DENND5B: variants seen among roughly 807,000 people sequenced by gnomAD.
DENND5B encodes DENN domain-containing protein 5B.
Under a neutral mutation model 140.6 loss-of-function variants are expected in DENND5B, and 34 were observed. That is an observed-to-expected ratio of 0.24 (90% CI 0.18 to 0.32). The LOEUF is 0.32. Among genes scored for constraint, DENND5B ranks in the 10% least tolerant of loss-of-function variants. The pLI, the probability that DENND5B is intolerant of heterozygous loss-of-function variation, is 1.00. For missense variants in DENND5B, 1,142 were observed against 1,560.2 expected, an observed-to-expected ratio of 0.73 and a Z score of 4.52; for synonymous variants, 551 against 562.1, an observed-to-expected ratio of 0.98 and a Z score of 0.28.
chr12:31,436,925 A>C (rs1211750196), intron 7 of DENND5B, among the ~76,000 whole-genome samples: 1 of 152,154 alleles, frequency 6.6e-6, no homozygotes, highest in Non-Finnish European at 1.5e-5. Context: ...CCCAACTTTC[A>C]TTCACCTTTC....
At chr12:31,411,040 C>CTTT (rs59646978) in intron 13 of DENND5B, among the ~76,000 whole-genome samples, 2 of 140,238 alleles carry the variant, frequency 1.4e-5, no homozygotes, top group African/African-American at 5.2e-5. Context: ...GCATAAATCA[C>CTTT]TTTTTTTTTT....
At chr12:31,453,982 A>T (rs1253137415) in intron 4 of DENND5B, among the ~76,000 whole-genome samples, 1 of 151,916 alleles carries the variant, frequency 6.6e-6, no homozygotes, top group African/African-American at 2.4e-5. Context: ...TCTCTACTAA[A>T]AATATAAAAA....
intron 1 of DENND5B, among the ~76,000 whole-genome samples, chr12:31,581,616 C>T (rs908899263): frequency 7.4e-5 from 11 of 149,258 alleles, no homozygotes; most frequent in Non-Finnish European, 1.6e-4. Flanking sequence ...TCGCTTGAAC[C>T]TGGGAGGCGC....
intron 14 of DENND5B, among the ~76,000 whole-genome samples, chr12:31,407,096 G>T (rs1384535887): frequency 6.6e-6 from 1 of 151,716 alleles, no homozygotes. Flanking sequence ...CACTGTGCCT[G>T]GCCTCTTCGA....
chr12:31,388,885 C>T (rs1022274488), intron 20 of DENND5B, among the ~76,000 whole-genome samples: 2 of 152,152 alleles, frequency 1.3e-5, no homozygotes, highest in Non-Finnish European at 2.9e-5. Flanking sequence ...GTCTAGTTAT[C>T]TAACAACTTC....
intron 1 of DENND5B, chr12:31,499,646 A>C (rs1946928512): frequency 6.6e-7 from 1 of 1,505,516 alleles, no homozygotes; most frequent in South Asian, 1.3e-5. Context: ...TGCCATGACG[A>C]TCTGCTTCTA....
At chr12:31,469,207 G>A (rs1945424121) in intron 3 of DENND5B, among the ~76,000 whole-genome samples, 1 of 151,752 alleles carries the variant, frequency 6.6e-6, no homozygotes, top group African/African-American at 2.4e-5. Context: ...GGTGGCATGT[G>A]CCTGTAATCC....
chr12:31,588,422 T>A (rs1164488086), intron 1 of DENND5B, among the ~76,000 whole-genome samples: 1 of 152,214 alleles, frequency 6.6e-6, no homozygotes, highest in African/African-American at 2.4e-5. Context: ...GGACTCCGCA[T>A]CCACAGATTC....
chr12:31,528,022 G>A (rs1216516995), intron 1 of DENND5B, among the ~76,000 whole-genome samples: 2 of 152,130 alleles, frequency 1.3e-5, no homozygotes, highest in South Asian at 2.1e-4. Flanking sequence ...CATAACAACC[G>A]AACATAATGA....
At chr12:31,546,145 A>C (rs576353844) in intron 1 of DENND5B, among the ~76,000 whole-genome samples, 1 of 152,010 alleles carries the variant, frequency 6.6e-6, no homozygotes, top group East Asian at 1.9e-4. Flanking sequence ...ATTCTTTCTC[A>C]AATTAGAAAC....
chr12:31,423,150 A>G (rs1435886679), intron 11 of DENND5B, among the ~76,000 whole-genome samples: 1 of 152,092 alleles, frequency 6.6e-6, no homozygotes, highest in Non-Finnish European at 1.5e-5. Flanking sequence ...CGTGTTGGCC[A>G]GGCTGGTCTC....
At chr12:31,548,614 C>T (rs1287754196) in intron 1 of DENND5B, among the ~76,000 whole-genome samples, 1 of 152,108 alleles carries the variant, frequency 6.6e-6, no homozygotes, top group African/African-American at 2.4e-5. Flanking sequence ...AATAAATTTC[C>T]TGTATAATTT....
intron 4 of DENND5B, among the ~76,000 whole-genome samples, chr12:31,454,627 T>C (rs1025404921): frequency 2.6e-5 from 4 of 151,366 alleles, no homozygotes; most frequent in Non-Finnish European, 5.9e-5. Flanking sequence ...ATATTCTTAG[T>C]AGAGATGGGG....
chr12:31,493,520 C>G (rs1946613524), intron 2 of DENND5B, among the ~76,000 whole-genome samples: 1 of 152,094 alleles, frequency 6.6e-6, no homozygotes, highest in Non-Finnish European at 1.5e-5. Context: ...ATAGCAAAAC[C>G]CCATCTCTAC....
chr12:31,416,283 G>T (rs1363100860), intron 11 of DENND5B, among the ~76,000 whole-genome samples: 1 of 151,246 alleles, frequency 6.6e-6, no homozygotes. Flanking sequence ...TTTAAATATA[G>T]TCTTGCTCTG....
chr12:31,555,943 G>C (rs747606439), intron 1 of DENND5B, among the ~76,000 whole-genome samples: 1 of 152,186 alleles, frequency 6.6e-6, no homozygotes, highest in Non-Finnish European at 1.5e-5. Flanking sequence ...CGATTTTCCA[G>C]GTGCCCTCTG....
At chr12:31,411,842 T>C (rs1031672289) in intron 13 of DENND5B, among the ~76,000 whole-genome samples, 3 of 152,222 alleles carry the variant, frequency 2.0e-5, no homozygotes, top group African/African-American at 7.2e-5. Flanking sequence ...GGAACTCTAA[T>C]AGGCTATCTT....
intron 11 of DENND5B, among the ~76,000 whole-genome samples, chr12:31,419,790 A>G (rs1942933139): frequency 6.6e-6 from 1 of 151,874 alleles, no homozygotes; most frequent in Non-Finnish European, 1.5e-5. Flanking sequence ...CCTGGCCAAC[A>G]TGGTGAACTC....
intron 2 of DENND5B, among the ~76,000 whole-genome samples, chr12:31,492,952 T>A (rs1331883383): frequency 1.3e-5 from 2 of 152,248 alleles, no homozygotes; most frequent in African/African-American, 4.8e-5. Flanking sequence ...CACATTGTAC[T>A]CTGTAAGGAA....
Sources: gnomAD v4.1 joint callset for allele counts (sites outside exome capture counted in the v4.1 genomes callset) on GRCh38, gnomAD v4.1.1 for gene constraint, MANE v1.5 for transcripts, NCBI Gene and HGNC (gene_info 2026-07-23, HGNC 2026-07-21) for gene names.